The following DKK3 variants were observed in gnomAD, a reference collection of about 807,000 sequenced individuals.
DKK3 encodes dickkopf Wnt signaling pathway inhibitor 3.
DKK3 carries 22 observed loss-of-function variants against 33.2 expected under a neutral mutation model. The ratio of observed to expected loss-of-function variants is 0.66; its 90% CI spans 0.47 to 0.95. The LOEUF (loss-of-function observed/expected upper bound fraction) is 0.95, where lower values mean the gene tolerates loss of function less well. Ranked by LOEUF, DKK3 falls within the 40% of genes least tolerant of loss-of-function variation. The pLI is 0.00. For missense variants in DKK3, 398 were observed against 458.4 expected (o/e 0.87, Z 1.20); for synonymous variants, 194 against 188.8 (o/e 1.03, Z -0.23).
chr11:11,995,485 T>C (rs1442763414), intron 3 of DKK3, among the ~76,000 whole-genome samples: 2 of 152,192 alleles, frequency 1.3e-5, no homozygotes, highest in Non-Finnish European at 2.9e-5. Context: ...GCTCACTTTT[T>C]AACATCAAAT....
At chr11:11,977,590 C>G (rs574881332) in intron 3 of DKK3, among the ~76,000 whole-genome samples, 5 of 152,328 alleles carry the variant, frequency 3.3e-5, no homozygotes, top group South Asian at 4.2e-4. Flanking sequence ...CCCACTCCCC[C>G]CAACACTTCT....
At chr11:11,984,053 T>C (rs1848012350) in intron 3 of DKK3, among the ~76,000 whole-genome samples, 1 of 152,208 alleles carries the variant, frequency 6.6e-6, no homozygotes, top group South Asian at 2.1e-4. Context: ...CATGTCTGTC[T>C]CTGTGACGAG....
chr11:11,998,324 G>A (rs1351286485), intron 3 of DKK3: 15 of 336,842 alleles, frequency 4.5e-5, no homozygotes, highest in Non-Finnish European at 7.7e-5. Context: ...ACCAGAGGTG[G>A]GATTACAAAA....
chr11:11,993,247 A>G (rs1848222706), intron 3 of DKK3, among the ~76,000 whole-genome samples: 1 of 152,220 alleles, frequency 6.6e-6, no homozygotes, highest in Non-Finnish European at 1.5e-5. Context: ...ATCCTCTGGA[A>G]AGATCTACTA....
upstream of DKK3, chr11:12,008,955 T>A: frequency 9.8e-7 from 1 of 1,016,222 alleles, no homozygotes; most frequent in Non-Finnish European, 1.2e-6. The surrounding 1 kb of genome is among the most constrained non-coding windows in gnomAD (Gnocchi z 4.6). Context: ...CTAGACTCTG[T>A]CCCCGGTTCA....
chr11:11,985,844 C>G (rs560644909), intron 3 of DKK3, among the ~76,000 whole-genome samples: 15 of 152,326 alleles, frequency 9.8e-5, no homozygotes, highest in African/African-American at 3.6e-4. Flanking sequence ...CCCAGCAAAA[C>G]CATGGGGATG....
chr11:11,992,669 G>A (rs1316340706), intron 3 of DKK3, among the ~76,000 whole-genome samples: 1 of 152,168 alleles, frequency 6.6e-6, no homozygotes, highest in Non-Finnish European at 1.5e-5. Context: ...GAAAAGAAGG[G>A]ATAAGATAAA....
At chr11:12,004,556 C>G (rs892288584) in intron 1 of DKK3, among the ~76,000 whole-genome samples, 35 of 152,148 alleles carry the variant, frequency 2.3e-4, no homozygotes, top group African/African-American at 8.5e-4. Context: ...GTGGAAAGTA[C>G]CAGGATTCTG....
intron 3 of DKK3, among the ~76,000 whole-genome samples, chr11:11,975,735 C>T (rs1284296953): frequency 2.6e-5 from 4 of 152,142 alleles, no homozygotes; most frequent in Non-Finnish European, 4.4e-5. Context: ...AGTCCAGGCA[C>T]AGTTCCCCAT....
chr11:11,975,675 A>C (rs2135019032), intron 3 of DKK3, among the ~76,000 whole-genome samples: 1 of 152,278 alleles, frequency 6.6e-6, no homozygotes, highest in Non-Finnish European at 1.5e-5. Context: ...TGGTTCACCC[A>C]GGGCTAGGGG....
At chr11:11,988,281 C>G (rs1848112237) in intron 3 of DKK3, among the ~76,000 whole-genome samples, 1 of 152,214 alleles carries the variant, frequency 6.6e-6, no homozygotes. Context: ...CATCATTTTT[C>G]CCATAGTCTG....
intron 1 of DKK3, among the ~76,000 whole-genome samples, chr11:12,004,571 C>A (rs1234361945): frequency 6.6e-6 from 1 of 152,172 alleles, no homozygotes; most frequent in Admixed American, 6.5e-5. Context: ...ATTCTGGAGT[C>A]AGACAAGGTG....
intron 3 of DKK3, among the ~76,000 whole-genome samples, chr11:11,971,638 T>C (rs1224983060): frequency 1.3e-5 from 2 of 152,190 alleles, no homozygotes; most frequent in East Asian, 3.8e-4. Flanking sequence ...ACTATACATT[T>C]CCTCTCCCAG....
At position 11,975,703 on chromosome 11, in the gene DKK3, C is replaced by T. The variant is rs190963780; in HGVS notation, c.436-7216G>A. 9.9e-5 allele frequency among the ~76,000 whole-genome samples: 15 copies of T among 152,242 alleles called. No homozygotes were observed. The East Asian group carries it at 2.9e-3, about 29-fold the overall frequency. The stretch of plus-strand genomic sequence containing the variant: ...GCTAGGGGTATCCTGGGATGCAGGA[C>T]TTGCAGTGCCAACACTGGGAGAGTC... On this transcript the variant is annotated intron_variant, in intron 3 of 6. Transcript: ENST00000683431.
In DKK3 at chr11:12,008,342, G is replaced by A. The variant is rs1445275196; in HGVS notation, c.213+28C>T. 1.3e-6 allele frequency: 2 copies of A among 1,590,404 alleles called. No individual in the cohort carries two copies. Among genetic ancestry groups the A allele is most frequent in the Admixed American group, 3.4e-5 (2 of 58,584 alleles). On this transcript the variant is annotated intron_variant, in intron 1 of 6. Transcript: ENST00000683431. This position sits in a 1 kb window ranked among gnomAD's most constrained non-coding sequence, Gnocchi z 4.6. ...GCTGCCCCCAGTCTGGCGCTTCTCA[G>A]AGCCCCGCGCCGCCAGGGCGCACCC...
intron 3 of DKK3, among the ~76,000 whole-genome samples, chr11:11,988,603 G>T (rs2135063303): frequency 6.6e-6 from 1 of 152,340 alleles, no homozygotes; most frequent in Admixed American, 6.5e-5. Context: ...GTCCCCCATA[G>T]GACCTCTTGG....
At chr11:11,994,116 G>C (rs1245229661) in intron 3 of DKK3, among the ~76,000 whole-genome samples, 1 of 152,150 alleles carries the variant, frequency 6.6e-6, no homozygotes, top group Non-Finnish European at 1.5e-5. Context: ...ACAAATGTCA[G>C]AGGAAAGACG....
At chr11:12,009,319 C>A (rs954450705), upstream of DKK3, 1 of 982,260 alleles carries the variant, frequency 1.0e-6, no homozygotes, top group East Asian at 1.2e-4. Flanking sequence ...CGCCGGTACC[C>A]GAGGGAGCCC....
upstream of DKK3, chr11:12,008,839 C>T: frequency 8.6e-7 from 1 of 1,160,974 alleles, no homozygotes; most frequent in Non-Finnish European, 1.1e-6. The surrounding 1 kb of genome is among the most constrained non-coding windows in gnomAD (Gnocchi z 4.6). Context: ...GCACCCCCAT[C>T]CTCGAGCACA....
Sources: allele counts gnomAD v4.1 joint callset (sites outside exome capture counted in the v4.1 genomes callset), GRCh38; gene constraint gnomAD v4.1.1; non-coding constraint Gnocchi (gnomAD v3.1); transcripts MANE v1.5; gene names NCBI Gene and HGNC (gene_info 2026-07-23, HGNC 2026-07-21).